PPP1R12A: variants seen among roughly 807,000 people sequenced by gnomAD.
PPP1R12A encodes protein phosphatase 1 regulatory subunit 12A, also known as myosin binding subunit.
A neutral mutation model predicts 139.6 loss-of-function variants in PPP1R12A; 19 were observed. The observed-to-expected ratio is 0.14, with a 90% CI of 0.09 to 0.20. PPP1R12A has a LOEUF of 0.20. PPP1R12A is among the 10% of genes least tolerant of loss of function. The pLI, the probability that PPP1R12A is intolerant of heterozygous loss-of-function variation, is 1.00. For missense variants in PPP1R12A, 925 were observed against 1,211.5 expected (o/e 0.76, Z 3.51); for synonymous variants, 427 against 420.6 (o/e 1.02, Z -0.19).
chr12:79,835,396 T>C (rs373642070), intron 3 of PPP1R12A, among the ~76,000 whole-genome samples: 3 of 152,152 alleles, frequency 2.0e-5, no homozygotes, highest in East Asian at 1.9e-4. Flanking sequence ...TCTGTGTCAG[T>C]TGCTCCTAAT....
intron 1 of PPP1R12A, among the ~76,000 whole-genome samples, chr12:79,880,019 C>G (rs1010413482): frequency 2.6e-5 from 4 of 152,132 alleles, no homozygotes; most frequent in Non-Finnish European, 5.9e-5. Flanking sequence ...ACTCTGAAAA[C>G]ATTTTTTTCC....
At chr12:79,912,269 C>T (rs530483185) in intron 1 of PPP1R12A, among the ~76,000 whole-genome samples, 6 of 152,300 alleles carry the variant, frequency 3.9e-5, no homozygotes, top group African/African-American at 1.4e-4. Context: ...TATATTTTTC[C>T]TTCAAAATAC....
At chr12:79,859,346 A>G (rs1005911555) in intron 2 of PPP1R12A, among the ~76,000 whole-genome samples, 5 of 150,428 alleles carry the variant, frequency 3.3e-5, no homozygotes, top group African/African-American at 4.9e-5. Flanking sequence ...TTAAAAAAAA[A>G]AAAGAAAGAA....
intron 8 of PPP1R12A, among the ~76,000 whole-genome samples, chr12:79,819,734 G>C (rs769445241): frequency 6.6e-6 from 1 of 152,064 alleles, no homozygotes; most frequent in South Asian, 2.1e-4. Context: ...TTGAGGACAG[G>C]AGTTCAAGAC....
rs952275111 is a variant in PPP1R12A, at chr12:79,773,648, A to C, written c.*2281T>G. On this transcript the variant is annotated 3_prime_UTR_variant, in exon 25 of 25. Transcript: ENST00000450142. ...ACAGATTGCATAAATATGGCAATTA[A>C]GATTGCATTTACAGATGTGCATGTA... The C allele has an allele frequency of 6.6e-5, 10 of 152,232 alleles. No homozygotes were observed. The highest frequency in any genetic ancestry group is 2.0e-4 in the Admixed American group (3 of 15,288). The allele number at this position is 152,232 out of a possible 1,614,324, so 9.4% of individuals were successfully genotyped here. A position where few individuals can be genotyped will look rare whatever the true frequency, so the allele number is the denominator to read the frequency against.
Position 79,805,708 on chromosome 12 carries a change from C to T in PPP1R12A, c.1884G>A (p.Thr628=), listed in dbSNP as rs761972298. The T allele has an allele frequency of 1.1e-5, 17 of 1,613,300 alleles. No homozygotes were observed. The highest frequency in any genetic ancestry group is 1.3e-5 in the Non-Finnish European group (15 of 1,179,590). The change falls in exon 14 of 25, where the codon ACG becomes ACA. Residue 628 remains threonine, a synonymous_variant. Coordinates refer to ENST00000450142, the MANE Select transcript of PPP1R12A (RefSeq NM_002480.3). ...TTGGAGCAACAGGAATGGTCACTGC[C>T]GTAGGAACACTGTCCTTTTCTTTCT... is the stretch of plus-strand genomic sequence containing the variant. ...STEKEKDSVP[T]AVTIPVAPTV...
chr12:79,922,817 G>A (rs1012739064), intron 1 of PPP1R12A, among the ~76,000 whole-genome samples: 8 of 152,206 alleles, frequency 5.3e-5, no homozygotes, highest in South Asian at 2.1e-4. Context: ...ACACCTGCAC[G>A]TTCTGCACAT....
chr12:79,902,936 C>T (rs1885776327), intron 1 of PPP1R12A, among the ~76,000 whole-genome samples: 1 of 151,886 alleles, frequency 6.6e-6, no homozygotes, highest in South Asian at 2.1e-4. Flanking sequence ...CCCGTGCATG[C>T]CCCAATTCCC....
intron 1 of PPP1R12A, among the ~76,000 whole-genome samples, chr12:79,904,595 C>T (rs892247740): frequency 6.6e-4 from 101 of 152,236 alleles, no homozygotes; most frequent in Non-Finnish European, 6.3e-4. Context: ...ATATAAACAG[C>T]ATAAAGTAGC....
At chr12:79,813,185 T>A (rs1874827328) in intron 9 of PPP1R12A, among the ~76,000 whole-genome samples, 1 of 152,212 alleles carries the variant, frequency 6.6e-6, no homozygotes, top group Non-Finnish European at 1.5e-5. Context: ...TTTGTATATA[T>A]GCACCCTATA....
At chr12:79,899,231 AAAAT>A (rs1423678726) in intron 1 of PPP1R12A, among the ~76,000 whole-genome samples, 16 of 122,706 alleles carry the variant, frequency 1.3e-4, no homozygotes, top group East Asian at 1.3e-3. Context: ...AGAGATCTTA[AAAAT>A]ATATATATAT....
At chr12:79,849,695 C>T (rs978544587) in intron 2 of PPP1R12A, among the ~76,000 whole-genome samples, 23 of 152,150 alleles carry the variant, frequency 1.5e-4, no homozygotes, top group African/African-American at 5.3e-4. Context: ...TTCAAATGAA[C>T]AACCGTATTG....
chr12:79,925,351 A>C (rs933662971), intron 1 of PPP1R12A, among the ~76,000 whole-genome samples: 6 of 152,204 alleles, frequency 3.9e-5, no homozygotes, highest in African/African-American at 1.4e-4. Flanking sequence ...GACATCTCAC[A>C]AAATGTATTC....
rs150157341 is a variant in PPP1R12A, at chr12:79,872,581, A to T, written c.368+227T>A. Reference sequence around the variant, plus strand: ...GAGACAGAGAATGTGTACAATTACTAATGTTAATACGAAGTACCAAAGGCC... The same window carrying T: ...GAGACAGAGAATGTGTACAATTACTTATGTTAATACGAAGTACCAAAGGCC... On this transcript the variant is annotated intron_variant, in intron 2 of 24. Transcript: ENST00000450142. Among the ~76,000 whole-genome samples the T allele has an allele frequency of 8.5e-5, 13 of 152,264 alleles. No individual in the cohort carries two copies. In the East Asian group the frequency reaches 2.5e-3, roughly 29 times the overall value.
At chr12:79,860,463 T>C (rs994956499) in intron 2 of PPP1R12A, among the ~76,000 whole-genome samples, 9 of 152,166 alleles carry the variant, frequency 5.9e-5, no homozygotes, top group Admixed American at 3.3e-4. Flanking sequence ...CGAGTATCTC[T>C]ACACTCCACT....
chr12:79,894,317 AAGAC>A lies in PPP1R12A; in HGVS notation c.238-21383_238-21380del. On this transcript the variant is annotated intron_variant, in intron 1 of 24. Transcript: ENST00000450142. ...TACTGTGGTAATAAAGTCAGGCAAA[AAGAC>A]AGAACTGAAGACAGAGTAAAAGACA... 1.3e-5 allele frequency among the ~76,000 whole-genome samples: 2 copies of A among 152,314 alleles called. 1 individual carries two copies. Among genetic ancestry groups the A allele is most frequent in the African/African-American group, 4.8e-5 (2 of 41,578 alleles).
At chr12:79,885,599 T>A (rs1334425913) in intron 1 of PPP1R12A, among the ~76,000 whole-genome samples, 1 of 152,092 alleles carries the variant, frequency 6.6e-6, no homozygotes, top group Non-Finnish European at 1.5e-5. Context: ...ATTACAAACA[T>A]CCTTCAAACA....
At chr12:79,869,255 T>C (rs1225331206) in intron 2 of PPP1R12A, among the ~76,000 whole-genome samples, 1 of 152,190 alleles carries the variant, frequency 6.6e-6, no homozygotes, top group African/African-American at 2.4e-5. Flanking sequence ...AAATGTAAAA[T>C]TGTTAAATGC....
chr12:79,879,909 A>G (rs1000429007), intron 1 of PPP1R12A, among the ~76,000 whole-genome samples: 6 of 152,066 alleles, frequency 3.9e-5, no homozygotes, highest in Admixed American at 2.0e-4. Context: ...TGAGACTACT[A>G]TGTATCACTT....
Sources: allele counts gnomAD v4.1 joint callset (sites outside exome capture counted in the v4.1 genomes callset), GRCh38; gene constraint gnomAD v4.1.1; transcripts MANE v1.5; gene names NCBI Gene and HGNC (gene_info 2026-07-23, HGNC 2026-07-21).